The following IGSF21 variants were observed in gnomAD, a reference collection of about 807,000 sequenced individuals.
IGSF21 encodes immunoglobulin superfamily member 21.
Under a neutral mutation model 46.8 loss-of-function variants are expected in IGSF21, and 28 were observed. The ratio of observed to expected loss-of-function variants is 0.60; its 90% CI spans 0.44 to 0.82. The LOEUF (loss-of-function observed/expected upper bound fraction) is 0.82. Ranked by LOEUF, IGSF21 falls within the 40% of genes least tolerant of loss-of-function variation. The pLI, the probability that IGSF21 is intolerant of heterozygous loss-of-function variation, is 0.00. For missense variants in IGSF21, 624 were observed against 665.5 expected (o/e 0.94, Z 0.69); for synonymous variants, 284 against 273.6 (o/e 1.04, Z -0.38).
chr1:18,131,592 C>G (rs2124416896), intron 1 of IGSF21, among the ~76,000 whole-genome samples: 1 of 152,308 alleles, frequency 6.6e-6, no homozygotes, highest in Admixed American at 6.5e-5. Context: ...GTTGCTATAA[C>G]AAACCCCCAA....
At chr1:18,161,067 G>C (rs902360853) in intron 1 of IGSF21, among the ~76,000 whole-genome samples, 2 of 152,154 alleles carry the variant, frequency 1.3e-5, no homozygotes, top group Non-Finnish European at 2.9e-5. Flanking sequence ...TCTTGGGCCA[G>C]AGTTTGGCCT....
At position 18,150,522 on chromosome 1, in the gene IGSF21, AG is replaced by A. The variant is rs1235437784; in HGVS notation, c.70+42326del. Reference sequence around the variant, plus strand: ...CTGTCCCCGATTCTGTGTTAGCTGTAGGTGTTTGAGTCAGTGTGGTCAGAGA... The same window carrying A: ...CTGTCCCCGATTCTGTGTTAGCTGTAGTGTTTGAGTCAGTGTGGTCAGAGA... On this transcript the variant is annotated intron_variant, in intron 1 of 9. Coordinates refer to ENST00000251296, the MANE Select transcript of IGSF21 (RefSeq NM_032880.5). 3.9e-5 allele frequency among the ~76,000 whole-genome samples: 6 copies of A among 152,252 alleles called. No homozygotes were observed. The East Asian group carries it at 1.2e-3, about 29-fold the overall frequency.
In IGSF21 at chr1:18,318,480, G is replaced by GTA. The variant is rs67417578; in HGVS notation, c.306-16411_306-16410insAT. Among the ~76,000 whole-genome samples the GTA allele has an allele frequency of 9.4e-3, 1,426 of 151,990 alleles. 29 individuals are homozygous for GTA. Among genetic ancestry groups the GTA allele is most frequent in the African/African-American group, 0.032 (1,344 of 41,478 alleles). ...TGCGTGCGTGCGTGTGTGTGTGTGT[G>GTA]TGTGTGTGTGCGTGCGTTTGGCAAA... On this transcript the variant is annotated intron_variant, in intron 3 of 9. Transcript: ENST00000251296.
intron 2 of IGSF21, among the ~76,000 whole-genome samples, chr1:18,266,624 T>C (rs2084991982): frequency 6.6e-6 from 1 of 152,248 alleles, no homozygotes; most frequent in South Asian, 2.1e-4. Flanking sequence ...GGAAACTTGC[T>C]AGGCCTCCAG....
At chr1:18,292,872 G>A (rs1046454948) in intron 3 of IGSF21, among the ~76,000 whole-genome samples, 5 of 152,148 alleles carry the variant, frequency 3.3e-5, no homozygotes, top group African/African-American at 1.2e-4. Context: ...TTCATGAAGA[G>A]TGCACAGCTT....
In IGSF21 at chr1:18,227,860, C is replaced by T. The variant is rs188463660; in HGVS notation, c.71-38C>T. On this transcript the variant is annotated intron_variant, in intron 1 of 9. Transcript: ENST00000251296. ...TCATCAGCCCAGCCCCTCTGATCTG[C>T]TCGTGCCCTTACCACCCCTTTCTCC... is the stretch of plus-strand genomic sequence containing the variant. 2,288 of 1,501,168 alleles carry T rather than the reference C, an allele frequency of 1.5e-3. 5 individuals carry two copies. Among genetic ancestry groups the T allele is most frequent in the Middle Eastern group, 3.3e-3 (19 of 5,840 alleles). The allele number at this position is 1,501,168 out of a possible 1,614,324, so 93.0% of individuals were successfully genotyped here. A position where few individuals can be genotyped will look rare whatever the true frequency, so the allele number is the denominator to read the frequency against.
At chr1:18,349,063 C>A (rs2085923834) in intron 4 of IGSF21, among the ~76,000 whole-genome samples, 1 of 152,196 alleles carries the variant, frequency 6.6e-6, no homozygotes, top group African/African-American at 2.4e-5. Context: ...ATACTAAGTT[C>A]TTTAAGAGCT....
chr1:18,227,920 G>T lies in IGSF21; in HGVS notation c.93G>T (p.Glu31Asp). Reference sequence around the variant, plus strand: ...TAGGCTACCTGACAGTCAACATTGAGCCTCTCCCCCCTGTGGTGGCTGGAG... The same window carrying T: ...TAGGCTACCTGACAGTCAACATTGATCCTCTCCCCCCTGTGGTGGCTGGAG... ...LARGYLTVNIEPLPPVVAGDA... is the reference protein window; with the variant it reads ...LARGYLTVNIDPLPPVVAGDA... Residue 31 changes from glutamate (E) to aspartate (D), a missense_variant, in exon 2 of 10, where the codon GAG becomes GAT. By Grantham distance (45) the Glu-to-Asp change is conservative (BLOSUM62 2). Transcript: ENST00000251296. 6.2e-7 allele frequency: 1 copy of T among 1,613,996 alleles called. No individual in the cohort carries two copies. Among genetic ancestry groups the T allele is most frequent in the Non-Finnish European group, 8.5e-7 (1 of 1,179,950 alleles).
chr1:18,160,246 C>T (rs1018599827), intron 1 of IGSF21, among the ~76,000 whole-genome samples: 9 of 152,184 alleles, frequency 5.9e-5, no homozygotes, highest in Non-Finnish European at 1.3e-4. Flanking sequence ...GAGTTAGAGC[C>T]TAGCTCTGGG....
At position 18,284,630 on chromosome 1, in the gene IGSF21, A is replaced by G. The variant is rs1015807781; in HGVS notation, c.184-7236A>G. Among the ~76,000 whole-genome samples, 5 of 152,244 alleles carry G rather than the reference A, an allele frequency of 3.3e-5. No homozygotes were observed. In the South Asian group the frequency reaches 1.0e-3, roughly 32 times the overall value. On this transcript the variant is annotated intron_variant, in intron 2 of 9. Transcript: ENST00000251296. ...AGGAAACTGAGGCTTAGAAACAATC[A>G]GTGACTTGCCTGAGAACCCAGAGCC...
At chr1:18,355,815 C>T (rs2086010210) in intron 4 of IGSF21, among the ~76,000 whole-genome samples, 1 of 148,062 alleles carries the variant, frequency 6.8e-6, no homozygotes, top group South Asian at 2.1e-4. Flanking sequence ...TGAAACTCTG[C>T]CCATGTCTAG....
Position 18,362,127 on chromosome 1 carries a change from C to G in IGSF21, c.437C>G (p.Ser146Cys). The G allele has an allele frequency of 6.2e-7, 1 of 1,610,230 alleles. No individual in the cohort carries two copies. The highest frequency in any genetic ancestry group is 1.1e-5 in the South Asian group (1 of 89,916). Residue 146 changes from serine to cysteine, a missense_variant, in exon 5 of 10, where the codon TCC becomes TGC. Coordinates refer to ENST00000251296, the MANE Select transcript of IGSF21 (RefSeq NM_032880.5). ...IFLNVMAPPT[S>C]IEVVAADTPA... The stretch of plus-strand genomic sequence containing the variant: ...CCTTTTGGGGCAGCTCCTCCCACCT[C>G]CATTGAAGTGGTGGCTGCTGACACA...
intron 1 of IGSF21, among the ~76,000 whole-genome samples, chr1:18,146,389 G>C (rs527899193): frequency 3.5e-4 from 54 of 152,224 alleles, no homozygotes; most frequent in African/African-American, 1.1e-3. Flanking sequence ...GTCTATTCTG[G>C]GCCATGTCGT....
intron 6 of IGSF21, among the ~76,000 whole-genome samples, chr1:18,373,959 C>A (rs1355294619): frequency 1.3e-5 from 2 of 152,162 alleles, no homozygotes; most frequent in Non-Finnish European, 2.9e-5. Context: ...AGGCCCGGGC[C>A]TGAAGGAGTA....
Position 18,334,849 on chromosome 1 carries a change from C to T in IGSF21, c.306-43C>T, listed in dbSNP as rs765889483. On this transcript the variant is annotated intron_variant, in intron 3 of 9. Transcript: ENST00000251296. The surrounding 1 kb of genome is among the most constrained non-coding windows in gnomAD (Gnocchi z 4.3). The stretch of plus-strand genomic sequence containing the variant: ...TTTCCTTGAACGCTGCCTCACCCAG[C>T]CCCACGATGAAGGGCCCTCACCCTG... 1 of 1,448,402 alleles carries T rather than the reference C, an allele frequency of 6.9e-7. No individual in the cohort carries two copies. The highest frequency in any genetic ancestry group is 9.7e-7 in the Non-Finnish European group (1 of 1,030,384). 89.7% of individuals were successfully genotyped at this position (1,448,402 alleles called of 1,614,324 possible).
At chr1:18,146,468 TTCTCCTGGGCCCTCC>T (rs2086467784) in intron 1 of IGSF21, among the ~76,000 whole-genome samples, 1 of 152,060 alleles carries the variant, frequency 6.6e-6, no homozygotes, top group Admixed American at 6.5e-5. Context: ...CCAGTGCACC[TTCTCCTGGGCCCTCC>T]TGGGATCACT....
At chr1:18,201,713 G>A (rs992415298) in intron 1 of IGSF21, among the ~76,000 whole-genome samples, 1 of 152,110 alleles carries the variant, frequency 6.6e-6, no homozygotes, top group Admixed American at 6.5e-5. Flanking sequence ...ATTGGGGTGT[G>A]TGTCGGGGGG....
rs546293361 is a variant in IGSF21 at position 18,253,864 on chromosome 1, GCA to G, written c.183+25855_183+25856del. 3.3e-5 allele frequency among the ~76,000 whole-genome samples: 5 copies of G among 152,306 alleles called. No individual in the cohort carries two copies. In the South Asian group the frequency reaches 1.0e-3, roughly 32 times the overall value. On this transcript the variant is annotated intron_variant, in intron 2 of 9. Coordinates refer to ENST00000251296, the MANE Select transcript of IGSF21 (RefSeq NM_032880.5). ...TACTCAAAGAAGCCTTTCTGAAACAGCAGATTTTAAGCTGGGCTTTGAAAGGT... is the reference window on the plus strand; with the variant it reads ...TACTCAAAGAAGCCTTTCTGAAACAGGATTTTAAGCTGGGCTTTGAAAGGT...
In IGSF21 at chr1:18,108,085, C is replaced by A; in HGVS notation, c.-44C>A. ...TGGCGAGGGGACCCGCCGCCACCGC[C>A]TCCACCCCCGCCGCCCCGCCACCGC... On this transcript the variant is annotated 5_prime_UTR_variant, in exon 1 of 10. Coordinates refer to ENST00000251296, the MANE Select transcript of IGSF21 (RefSeq NM_032880.5). 9.9e-7 allele frequency: 1 copy of A among 1,008,138 alleles called. No homozygotes were observed. Among genetic ancestry groups the A allele is most frequent in the South Asian group, 1.8e-5 (1 of 54,820 alleles). 62.4% of individuals were successfully genotyped at this position (1,008,138 alleles called of 1,614,324 possible).
Sources: gnomAD v4.1 joint callset for allele counts (sites outside exome capture counted in the v4.1 genomes callset) on GRCh38, gnomAD v4.1.1 for gene constraint, Gnocchi (gnomAD v3.1) non-coding constraint, MANE v1.5 for transcripts, NCBI Gene and HGNC (gene_info 2026-07-23, HGNC 2026-07-21) for gene names.